The following FIGN variants were observed in gnomAD, a reference collection of about 807,000 sequenced individuals.
The protein encoded by FIGN is fidgetin.
Under a neutral mutation model 51.3 loss-of-function variants are expected in FIGN, and 11 were observed. That is an observed-to-expected ratio of 0.21 (90% CI 0.13 to 0.35). The LOEUF (loss-of-function observed/expected upper bound fraction) is 0.35. FIGN is among the 10% of genes least tolerant of loss of function. The pLI is 1.00. For synonymous variants in FIGN, 407 were observed against 363.2 expected (o/e 1.12, Z -1.37); for missense variants, 857 against 943.6 (o/e 0.91, Z 1.20).
intron 2 of FIGN, among the ~76,000 whole-genome samples, chr2:163,618,971 C>G (rs144586596): frequency 2.0e-5 from 3 of 152,068 alleles, no homozygotes; most frequent in Non-Finnish European, 4.4e-5. Context: ...CAACACAACA[C>G]GTGGGAAATA....
intron 2 of FIGN, among the ~76,000 whole-genome samples, chr2:163,666,565 ATTT>A (rs1464828655): frequency 1.3e-5 from 2 of 152,096 alleles, no homozygotes; most frequent in East Asian, 3.9e-4. Context: ...CTGGACCTCT[ATTT>A]TCTCAACTGA....
chr2:163,684,304 CA>C (rs1219915582), intron 2 of FIGN, among the ~76,000 whole-genome samples: 1 of 152,180 alleles, frequency 6.6e-6, no homozygotes. Context: ...CTAAACATAG[CA>C]AAAGCAAGCT....
intron 2 of FIGN, among the ~76,000 whole-genome samples, chr2:163,667,338 C>CAA (rs397952314): frequency 0.07 from 8,906 of 127,380 alleles, 370 homozygotes; most frequent in African/African-American, 0.11. Flanking sequence ...ACTATCCCCA[C>CAA]AAAAAAAAAA....
chr2:163,681,598 C>T (rs570979857), intron 2 of FIGN, among the ~76,000 whole-genome samples: 1 of 152,178 alleles, frequency 6.6e-6, no homozygotes, highest in African/African-American at 2.4e-5. Flanking sequence ...GGCAAAGGAA[C>T]ACATGATGAC....
chr2:163,630,827 T>C (rs762318014), intron 2 of FIGN, among the ~76,000 whole-genome samples: 2 of 152,106 alleles, frequency 1.3e-5, no homozygotes, highest in Non-Finnish European at 1.5e-5. Flanking sequence ...CTCCCTCAAT[T>C]AAAAAAATCC....
intron 2 of FIGN, among the ~76,000 whole-genome samples, chr2:163,709,102 T>G (rs1249728287): frequency 2.0e-5 from 3 of 152,120 alleles, no homozygotes; most frequent in African/African-American, 7.2e-5. Flanking sequence ...TCAGATGGCT[T>G]CCTTAGAAAG....
At chr2:163,670,072 G>A (rs1320471702) in intron 2 of FIGN, among the ~76,000 whole-genome samples, 1 of 152,150 alleles carries the variant, frequency 6.6e-6, no homozygotes, top group African/African-American at 2.4e-5. Flanking sequence ...AAAAAGATGT[G>A]CAAGAAGGTA....
chr2:163,626,021 C>A (rs374549794), intron 2 of FIGN, among the ~76,000 whole-genome samples: 2 of 152,248 alleles, frequency 1.3e-5, no homozygotes, highest in East Asian at 3.9e-4. Context: ...TGCAACCTTT[C>A]TTTCTTCTAA....
At chr2:163,729,704 A>T (rs1240100077) in intron 2 of FIGN, among the ~76,000 whole-genome samples, 5 of 152,204 alleles carry the variant, frequency 3.3e-5, no homozygotes, top group African/African-American at 1.2e-4. Context: ...CAGTTTCAAA[A>T]ATGATTGGAA....
chr2:163,729,824 T>G (rs1348758010), intron 2 of FIGN, among the ~76,000 whole-genome samples: 1 of 152,208 alleles, frequency 6.6e-6, no homozygotes, highest in Non-Finnish European at 1.5e-5. Context: ...AATTCTCCTT[T>G]GGATTTACTG....
intron 2 of FIGN, among the ~76,000 whole-genome samples, chr2:163,660,561 A>T (rs1040725901): frequency 2.7e-5 from 4 of 150,702 alleles, no homozygotes; most frequent in Admixed American, 6.7e-5. Context: ...TACAACCTCC[A>T]TGTTGCAACA....
At chr2:163,708,798 A>G (rs1192356534) in intron 2 of FIGN, among the ~76,000 whole-genome samples, 1 of 152,148 alleles carries the variant, frequency 6.6e-6, no homozygotes, top group African/African-American at 2.4e-5. Context: ...AACAAGGTAG[A>G]CACAGGAGTC....
rs914936613 is a variant in FIGN at position 163,664,857 on chromosome 2, C to A, written c.26-53051G>T. ...AACAAACCAATAACGTGGGTTCTAA[C>A]ATTGCGTCACACCAGTACTATGGTC... On this transcript the variant is annotated intron_variant, in intron 2 of 2. Coordinates refer to ENST00000333129, the MANE Select transcript of FIGN (RefSeq NM_018086.4). Among the ~76,000 whole-genome samples the A allele has an allele frequency of 2.0e-5, 3 of 152,208 alleles. No homozygotes were observed. The East Asian group carries it at 5.8e-4, about 29-fold the overall frequency.
Position 163,611,511 on chromosome 2 carries a change from T to A in FIGN, c.321A>T (p.Glu107Asp). Residue 107 changes from glutamate to aspartate, a missense_variant, in exon 3 of 3, where the codon GAA becomes GAT. By Grantham distance (45) the Glu-to-Asp change is conservative. This residue lies in a region of FIGN where 799 missense variants were observed against 849.5 expected (regional missense o/e 0.94). Coordinates refer to ENST00000333129, the MANE Select transcript of FIGN (RefSeq NM_018086.4). Reference protein sequence around the residue: ...GLVNGRKNESEPWQPSLNSEA... With the variant: ...GLVNGRKNESDPWQPSLNSEA... ...CTGAATTCAAGGAAGGCTGCCAGGGTTCACTTTCATTTTTCCGACCGTTCA... is the reference window on the plus strand; with the variant it reads ...CTGAATTCAAGGAAGGCTGCCAGGGATCACTTTCATTTTTCCGACCGTTCA... 6.2e-7 allele frequency: 1 copy of A among 1,614,152 alleles called. No individual in the cohort carries two copies. Among genetic ancestry groups the A allele is most frequent in the South Asian group, 1.1e-5 (1 of 91,078 alleles).
At chr2:163,687,435 C>T (rs370673127) in intron 2 of FIGN, among the ~76,000 whole-genome samples, 9 of 152,180 alleles carry the variant, frequency 5.9e-5, no homozygotes, top group South Asian at 4.1e-4. Flanking sequence ...AGTCGGGTCA[C>T]CTGACCTCAG....
chr2:163,653,897 A>C (rs1683517732), intron 2 of FIGN, among the ~76,000 whole-genome samples: 1 of 152,136 alleles, frequency 6.6e-6, no homozygotes, highest in Non-Finnish European at 1.5e-5. Flanking sequence ...ACAGAAAAGC[A>C]ATAGGATTTT....
chr2:163,735,007 T>G lies in FIGN; in HGVS notation c.-80A>C. On this transcript the variant is annotated 5_prime_UTR_variant, in exon 2 of 3. Coordinates refer to ENST00000333129, the MANE Select transcript of FIGN (RefSeq NM_018086.4). ...AAGGTTGCTTTTCATTAAAGCCACT[T>G]TTCCTCTCAGCTATCAAATGTCACT... 2 of 1,479,854 alleles carry G rather than the reference T, an allele frequency of 1.4e-6. No individual in the cohort carries two copies. Among genetic ancestry groups the G allele is most frequent in the Non-Finnish European group, 1.9e-6 (2 of 1,067,282 alleles). The allele number at this position is 1,479,854 out of a possible 1,614,324, so 91.7% of individuals were successfully genotyped here.
At chr2:163,674,040 T>TA (rs1343712401) in intron 2 of FIGN, among the ~76,000 whole-genome samples, 1 of 152,226 alleles carries the variant, frequency 6.6e-6, no homozygotes, top group African/African-American at 2.4e-5. Flanking sequence ...GGCATCATTA[T>TA]AAAATGAATG....
rs767299659 is a variant in FIGN at position 163,610,299 on chromosome 2, C to T, written c.1533G>A (p.Ala511=). The part of the protein sequence containing the change: ...EVLWPVLRSD[A]FSGLTALPRS... ...GAGGTAAGGCCGTCAGTCCACTGAA[C>T]GCGTCTGACCTCAACACTGGCCATA... is the stretch of plus-strand genomic sequence containing the variant. Residue 511 remains alanine, a synonymous_variant, in exon 3 of 3, where the codon GCG becomes GCA. Coordinates refer to ENST00000333129, the MANE Select transcript of FIGN (RefSeq NM_018086.4). 1.6e-5 allele frequency: 26 copies of T among 1,614,022 alleles called. No homozygotes were observed. The highest frequency in any genetic ancestry group is 9.9e-5 in the South Asian group (9 of 91,086).
Sources: gnomAD v4.1 joint callset for allele counts (sites outside exome capture counted in the v4.1 genomes callset) on GRCh38, gnomAD v4.1.1 for gene constraint, gnomAD v4.1.1 regional missense constraint, MANE v1.5 for transcripts, NCBI Gene and HGNC (gene_info 2026-07-23, HGNC 2026-07-21) for gene names.